FAM135B: variants seen among roughly 807,000 people sequenced by gnomAD.
The protein encoded by FAM135B is protein FAM135B.
Under a neutral mutation model 127.7 loss-of-function variants are expected in FAM135B, and 43 were observed. The ratio of observed to expected loss-of-function variants is 0.34; its 90% CI spans 0.26 to 0.43. FAM135B has a LOEUF of 0.43. Among genes scored for constraint, FAM135B ranks in the 20% least tolerant of loss-of-function variants. The pLI, the probability that FAM135B is intolerant of heterozygous loss-of-function variation, is 1.00. For synonymous variants in FAM135B, 670 were observed against 665.1 expected (o/e 1.01, Z -0.11); for missense variants, 1,558 against 1,725.6 (o/e 0.90, Z 1.72).
At chr8:138,290,218 G>T (rs1825001024) in intron 3 of FAM135B, among the ~76,000 whole-genome samples, 1 of 152,200 alleles carries the variant, frequency 6.6e-6, no homozygotes, top group South Asian at 2.1e-4. Flanking sequence ...CTAAGGAAGT[G>T]AAGGTGCGGT....
intron 1 of FAM135B, among the ~76,000 whole-genome samples, chr8:138,474,155 G>A (rs374544875): frequency 7.2e-5 from 11 of 152,246 alleles, no homozygotes; most frequent in Admixed American, 4.6e-4. Context: ...GCAGTGCAGC[G>A]AGTTTAAATT....
chr8:138,248,819 G>A (rs1397726993), intron 6 of FAM135B, among the ~76,000 whole-genome samples: 2 of 38,996 alleles, frequency 5.1e-5, no homozygotes, highest in Non-Finnish European at 1.1e-4. Context: ...GTGAGACGCT[G>A]TCTCAAAAAA....
chr8:138,365,979 C>G (rs1186807292), intron 2 of FAM135B, among the ~76,000 whole-genome samples: 3 of 151,970 alleles, frequency 2.0e-5, no homozygotes, highest in Non-Finnish European at 4.4e-5. Context: ...TTCACCAAAG[C>G]AATTGTAAAT....
At chr8:138,256,666 T>G in intron 5 of FAM135B, 23 bp downstream of exon 5, 10 of 1,606,128 alleles carry the variant, frequency 6.2e-6, no homozygotes, top group Non-Finnish European at 8.5e-6. Context: ...CTACTACAAT[T>G]CAATAATTTC....
chr8:138,234,624 T>C (rs1380717718), intron 7 of FAM135B, among the ~76,000 whole-genome samples: 2 of 152,256 alleles, frequency 1.3e-5, no homozygotes, highest in Non-Finnish European at 2.9e-5. Flanking sequence ...GGTCCTTCTC[T>C]AGGTAGTTAA....
chr8:138,417,632 C>T (rs186052193), intron 1 of FAM135B, among the ~76,000 whole-genome samples: 3 of 152,264 alleles, frequency 2.0e-5, no homozygotes, highest in African/African-American at 4.8e-5. Flanking sequence ...TGCTTAACCT[C>T]GAGAGGCCAG....
rs755289131 is a variant in FAM135B at position 138,151,221 on chromosome 8, T to C, written c.3254A>G (p.Asp1085Gly). 8.4e-6 allele frequency: 13 copies of C among 1,550,722 alleles called. No individual in the cohort carries two copies. Among genetic ancestry groups the C allele is most frequent in the Non-Finnish European group, 9.6e-6 (11 of 1,148,528 alleles). Residue 1085 changes from aspartate (D) to glycine (G), a missense_variant, in exon 13 of 20, where the codon GAT becomes GGT. Asp to Gly is a moderately conservative substitution (Grantham distance 94). Around this residue, in one of 5 missense-constraint regions of FAM135B, gnomAD observed 923 missense variants for 865.3 expected, o/e 1.07. Coordinates refer to ENST00000395297, the MANE Select transcript of FAM135B (RefSeq NM_015912.4). ...GVVSTHSSTL[D>G]EEVSERMFSF... ...AAACATCCTCTCACTGACTTCCTCATCCAACGTGCTGGAATGGGTAGAAAC... is the reference window on the plus strand; with the variant it reads ...AAACATCCTCTCACTGACTTCCTCACCCAACGTGCTGGAATGGGTAGAAAC...
At chr8:138,386,746 C>G (rs1046784078) in intron 1 of FAM135B, among the ~76,000 whole-genome samples, 4 of 152,164 alleles carry the variant, frequency 2.6e-5, no homozygotes, top group African/African-American at 9.7e-5. Context: ...GCTGCTCAGA[C>G]AAACACCTCC....
At chr8:138,217,144 T>C (rs1818608902) in intron 7 of FAM135B, among the ~76,000 whole-genome samples, 1 of 152,202 alleles carries the variant, frequency 6.6e-6, no homozygotes, top group African/African-American at 2.4e-5. Flanking sequence ...CATTATCTAA[T>C]GCCTGACGAA....
At position 138,368,211 on chromosome 8, in the gene FAM135B, C is replaced by G. The variant is rs529512815; in HGVS notation, c.-19-209G>C. On this transcript the variant is annotated intron_variant, in intron 1 of 19. Coordinates refer to ENST00000395297, the MANE Select transcript of FAM135B (RefSeq NM_015912.4). ...CTGTCACAGCTTCTACCTGGAAGGG[C>G]CAGGAGTTAGACCCAGGTGTCCTAA... Among the ~76,000 whole-genome samples the G allele has an allele frequency of 9.1e-4, 138 of 152,240 alleles. 1 individual carries two copies. The highest frequency in any genetic ancestry group is 3.2e-3 in the African/African-American group (134 of 41,560).
chr8:138,340,250 A>C (rs1266908391), intron 2 of FAM135B, among the ~76,000 whole-genome samples: 2 of 152,200 alleles, frequency 1.3e-5, no homozygotes, highest in African/African-American at 4.8e-5. Context: ...GCCTTCTAAA[A>C]TAATAATGCC....
intron 3 of FAM135B, among the ~76,000 whole-genome samples, chr8:138,304,819 G>A (rs1305245002): frequency 1.3e-5 from 2 of 152,204 alleles, no homozygotes; most frequent in South Asian, 2.1e-4. Flanking sequence ...TGGCCTGCTC[G>A]AAGTGGAAGG....
At position 138,319,327 on chromosome 8, in the gene FAM135B, G is replaced by C. The variant is rs561070764; in HGVS notation, c.78-8407C>G. On this transcript the variant is annotated intron_variant, in intron 2 of 19. Coordinates refer to ENST00000395297, the MANE Select transcript of FAM135B (RefSeq NM_015912.4). ...TCACCATGTTGGCCAGACTGGTCTT[G>C]AACTCCTGACCTCAGGTGATCTCCC... Among the ~76,000 whole-genome samples the C allele has an allele frequency of 2.6e-5, 4 of 152,184 alleles. No individual in the cohort carries two copies. In the South Asian group the frequency reaches 8.3e-4, roughly 32 times the overall value.
intron 3 of FAM135B, among the ~76,000 whole-genome samples, chr8:138,289,665 T>C (rs1483407813): frequency 1.3e-5 from 2 of 152,228 alleles, no homozygotes; most frequent in African/African-American, 4.8e-5. Context: ...GAATCTGTGG[T>C]TGCATTTCTC....
At chr8:138,165,180 G>T (rs1000820954) in intron 12 of FAM135B, among the ~76,000 whole-genome samples, 1 of 151,596 alleles carries the variant, frequency 6.6e-6, no homozygotes, top group South Asian at 2.1e-4. Flanking sequence ...GAGTGCAATG[G>T]CGGGATCTAG....
intron 1 of FAM135B, among the ~76,000 whole-genome samples, chr8:138,382,373 C>T (rs907370904): frequency 6.6e-6 from 1 of 152,172 alleles, no homozygotes; most frequent in Non-Finnish European, 1.5e-5. Context: ...TCCAGGGCTA[C>T]AGCACCTCCA....
intron 3 of FAM135B, among the ~76,000 whole-genome samples, chr8:138,276,473 G>A (rs552289734): frequency 6.6e-6 from 1 of 152,236 alleles, no homozygotes; most frequent in South Asian, 2.1e-4. Flanking sequence ...CTGCTGATTA[G>A]GGGAGAACAG....
chr8:138,306,584 CTTT>C (rs11286136), intron 3 of FAM135B, among the ~76,000 whole-genome samples: 16 of 114,720 alleles, frequency 1.4e-4, no homozygotes, highest in African/African-American at 1.6e-4. Flanking sequence ...GTGTATCATT[CTTT>C]TTTTTTTTTT....
At chr8:138,157,287 G>A in intron 12 of FAM135B, among the ~76,000 whole-genome samples, 1 of 152,050 alleles carries the variant, frequency 6.6e-6, no homozygotes, top group Non-Finnish European at 1.5e-5. Context: ...GGTATTGATG[G>A]GACATATCTC....
Sources: gnomAD v4.1 joint callset for allele counts (sites outside exome capture counted in the v4.1 genomes callset) on GRCh38, gnomAD v4.1.1 for gene constraint, gnomAD v4.1.1 regional missense constraint, MANE v1.5 for transcripts, NCBI Gene and HGNC (gene_info 2026-07-23, HGNC 2026-07-21) for gene names.